GMDS: variants seen among roughly 807,000 people sequenced by gnomAD.
GMDS encodes the protein GDP-mannose 4,6-dehydratase.
GMDS carries 20 observed loss-of-function variants against 49.9 expected under a neutral mutation model. That is an observed-to-expected ratio of 0.40 (90% confidence interval 0.28 to 0.58). The LOEUF (loss-of-function observed/expected upper bound fraction) is 0.58. GMDS is among the 20% of genes least tolerant of loss of function. The pLI, the probability that GMDS is intolerant of heterozygous loss-of-function variation, is 0.42. For missense variants in GMDS, 362 were observed against 481.4 expected (o/e 0.75, Z 2.32); for synonymous variants, 177 against 178.6 (o/e 0.99, Z 0.07).
intron 4 of GMDS, among the ~76,000 whole-genome samples, chr6:2,031,468 T>G (rs1375115307): frequency 6.6e-6 from 1 of 151,286 alleles, no homozygotes; most frequent in Non-Finnish European, 1.5e-5. Flanking sequence ...GTAAAATGTA[T>G]AGACCAGTGT....
intron 9 of GMDS, among the ~76,000 whole-genome samples, chr6:1,718,386 G>A (rs544167687): frequency 6.6e-6 from 1 of 152,184 alleles, no homozygotes; most frequent in African/African-American, 2.4e-5. Context: ...TTCCAGCATC[G>A]TCACCTCCCC....
chr6:1,778,133 A>G lies in GMDS; in HGVS notation c.772-35547T>C, dbSNP rs1246246688. ...GTGCCAAAACAGTACTGCATTCCTT[A>G]AAGAGCTGAATAAAGGATCGAGTTA... On this transcript the variant is annotated intron_variant, in intron 7 of 10. Coordinates refer to ENST00000380815, the MANE Select transcript of GMDS (RefSeq NM_001500.4). This position sits in a 1 kb window ranked among gnomAD's most constrained non-coding sequence, Gnocchi z 4.6. Among the ~76,000 whole-genome samples the G allele has an allele frequency of 6.6e-6, 1 of 152,144 alleles. No homozygotes were observed. Among genetic ancestry groups the G allele is most frequent in the Non-Finnish European group, 1.5e-5 (1 of 68,024 alleles).
intron 1 of GMDS, among the ~76,000 whole-genome samples, chr6:2,221,780 C>G (rs770432831): frequency 2.0e-5 from 3 of 151,938 alleles, no homozygotes; most frequent in African/African-American, 7.3e-5. Flanking sequence ...ATAGCAGTCC[C>G]AAGCAAAAAG....
At position 1,877,135 on chromosome 6, in the gene GMDS, A is replaced by G. The variant is rs1389924386; in HGVS notation, c.771+52968T>C. ...CGGTGATGGAAGGGAATGAATTCAC[A>G]TAACATTTCTTCCATCTAACAGCCA... is the stretch of plus-strand genomic sequence containing the variant. On this transcript the variant is annotated intron_variant, in intron 7 of 10. Transcript: ENST00000380815. Among the ~76,000 whole-genome samples, 6 of 151,758 alleles carry G rather than the reference A, an allele frequency of 4.0e-5. No homozygotes were observed. In the East Asian group the frequency reaches 9.8e-4, roughly 25 times the overall value.
At chr6:2,029,933 C>T (rs1449002513) in intron 4 of GMDS, among the ~76,000 whole-genome samples, 2 of 152,168 alleles carry the variant, frequency 1.3e-5, no homozygotes, top group South Asian at 2.1e-4. Context: ...GTGCTGGGGG[C>T]CTCCTAAGGA....
intron 7 of GMDS, among the ~76,000 whole-genome samples, chr6:1,873,603 T>C (rs1407881016): frequency 1.7e-4 from 26 of 152,172 alleles, no homozygotes; most frequent in Admixed American, 1.7e-3. Context: ...AAACTAGCAC[T>C]AAGACTGAAG....
chr6:1,951,831 C>T (rs1434548619), intron 6 of GMDS: 13 of 826,752 alleles, frequency 1.6e-5, no homozygotes, highest in Non-Finnish European at 1.8e-5. Flanking sequence ...TTCTGTCAAA[C>T]ATCTTAAAGG....
rs561034126 is a variant in GMDS at position 1,765,119 on chromosome 6, T to C, written c.772-22533A>G. Among the ~76,000 whole-genome samples the C allele has an allele frequency of 5.5e-4, 84 of 152,210 alleles. 4 individuals are homozygous for C. In the South Asian group the frequency reaches 0.015, roughly 26 times the overall value. On this transcript the variant is annotated intron_variant, in intron 7 of 10. Transcript: ENST00000380815. ...AGAAGATTTAAACAATTTAAATCTT[T>C]TAAAAAACAAAACTAAACCAAAAAG...
In GMDS at chr6:1,930,240, G is replaced by A. The variant is rs1276558885; in HGVS notation, c.644-10C>T. 9 of 1,611,418 alleles carry A rather than the reference G, an allele frequency of 5.6e-6. No homozygotes were observed. In the South Asian group the frequency reaches 8.8e-5, roughly 16 times the overall value. On this transcript the variant is annotated splice_polypyrimidine_tract_variant and intron_variant, in intron 6 of 10. Transcript: ENST00000380815. ...GTAACGAAATTAGCTCCTAAAAAGAGGCAAAAGATGTAGTATCAGTCAAGT... is the reference window on the plus strand; with the variant it reads ...GTAACGAAATTAGCTCCTAAAAAGAAGCAAAAGATGTAGTATCAGTCAAGT...
At chr6:1,945,892 A>G (rs1266752655) in intron 6 of GMDS, among the ~76,000 whole-genome samples, 1 of 152,214 alleles carries the variant, frequency 6.6e-6, no homozygotes, top group Non-Finnish European at 1.5e-5. Context: ...GGTATCTGTC[A>G]TTCAGCAGTA....
intron 9 of GMDS, 82 bp from the exon 10 acceptor site, chr6:1,624,622 C>T (rs760246229): frequency 1.3e-4 from 126 of 935,586 alleles, no homozygotes; most frequent in Non-Finnish European, 2.1e-4. Context: ...GAACTCCCAC[C>T]GTTCCGCTCC....
At chr6:1,820,737 A>G (rs1770853970) in intron 7 of GMDS, among the ~76,000 whole-genome samples, 1 of 152,246 alleles carries the variant, frequency 6.6e-6, no homozygotes, top group Non-Finnish European at 1.5e-5. Flanking sequence ...CTGAATTTCC[A>G]AAATTCTAAT....
Position 2,245,443 on chromosome 6 carries a change from T to C in GMDS, c.-21A>G, listed in dbSNP as rs1407363574. 1 of 1,420,596 alleles carries C rather than the reference T, an allele frequency of 7.0e-7. No homozygotes were observed. Among genetic ancestry groups the C allele is most frequent in the Non-Finnish European group, 9.2e-7 (1 of 1,089,350 alleles). The allele number at this position is 1,420,596 out of a possible 1,614,324, so 88.0% of individuals were successfully genotyped here. On this transcript the variant is annotated 5_prime_UTR_variant, in exon 1 of 11. Transcript: ENST00000380815. ...GCCATGTCCCGCGGCGGGCGTGCGG[T>C]CGGCGGCAGGGCGGAGCGCGGCAGA...
At chr6:2,203,061 T>G (rs1240788403) in intron 1 of GMDS, among the ~76,000 whole-genome samples, 1 of 152,156 alleles carries the variant, frequency 6.6e-6, no homozygotes. Flanking sequence ...ACTTGTTAAC[T>G]TTACAGGAAT....
Position 2,043,755 on chromosome 6 carries a change from A to G in GMDS, c.345+72016T>C, listed in dbSNP as rs1769828122. ...TTCTGCACAGCAAAATAAACTATCAACAGAGTAGACAGACAAACTTACAGG... is the reference window on the plus strand; with the variant it reads ...TTCTGCACAGCAAAATAAACTATCAGCAGAGTAGACAGACAAACTTACAGG... On this transcript the variant is annotated intron_variant, in intron 4 of 10. Transcript: ENST00000380815. 3.9e-5 allele frequency among the ~76,000 whole-genome samples: 6 copies of G among 152,220 alleles called. 1 individual carries two copies. The South Asian group carries it at 1.2e-3, about 32-fold the overall frequency.
intron 7 of GMDS, among the ~76,000 whole-genome samples, chr6:1,746,818 C>T (rs1366415177): frequency 6.6e-6 from 1 of 152,100 alleles, no homozygotes; most frequent in African/African-American, 2.4e-5. Context: ...TCTCCTGCCT[C>T]AGACTCCCGA....
chr6:1,629,017 G>A (rs536030348), intron 9 of GMDS, among the ~76,000 whole-genome samples: 2 of 152,280 alleles, frequency 1.3e-5, no homozygotes, highest in African/African-American at 2.4e-5. Flanking sequence ...TTTTCAGAAA[G>A]GCAGAGCTGC....
chr6:2,121,881 C>T (rs1288066204), intron 2 of GMDS, among the ~76,000 whole-genome samples: 1 of 152,174 alleles, frequency 6.6e-6, no homozygotes, highest in Non-Finnish European at 1.5e-5. Context: ...TGACTGTGGC[C>T]TCTCCACACT....
intron 4 of GMDS, among the ~76,000 whole-genome samples, chr6:2,067,956 C>T (rs1771724053): frequency 1.3e-5 from 2 of 150,972 alleles, no homozygotes; most frequent in South Asian, 4.2e-4. Context: ...GGCAGAGACA[C>T]AACAAAAAAA....
Sources: gnomAD v4.1 joint callset for allele counts (sites outside exome capture counted in the v4.1 genomes callset) on GRCh38, gnomAD v4.1.1 for gene constraint, Gnocchi (gnomAD v3.1) non-coding constraint, MANE v1.5 for transcripts, NCBI Gene and HGNC (gene_info 2026-07-23, HGNC 2026-07-21) for gene names.